The following ZSCAN26 variants were observed in gnomAD, a reference collection of about 807,000 sequenced individuals.
ZSCAN26 encodes zinc finger and SCAN domain-containing protein 26.
ZSCAN26 carries 26 observed loss-of-function variants against 23.0 expected under a neutral mutation model. That is an observed-to-expected ratio of 1.13 (90% CI 0.83 to 1.57). The LOEUF (loss-of-function observed/expected upper bound fraction) is 1.57. ZSCAN26 is among the 40% of genes most tolerant of loss of function. The pLI, the probability that ZSCAN26 is intolerant of heterozygous loss-of-function variation, is 0.00. For missense variants in ZSCAN26, 528 were observed against 568.5 expected (o/e 0.93, Z 0.72); for synonymous variants, 180 against 202.5 (o/e 0.89, Z 0.94).
In ZSCAN26 at chr6:28,277,232, T is replaced by C. The variant is rs188497598; in HGVS notation, c.*136T>C. The C allele has an allele frequency of 7.3e-6, 6 of 823,826 alleles. No individual in the cohort carries two copies. In the Admixed American group the frequency reaches 1.3e-4, roughly 18 times the overall value. 51.0% of individuals were successfully genotyped at this position (823,826 alleles called of 1,614,324 possible). On this transcript the variant is annotated 3_prime_UTR_variant, in exon 4 of 4. Coordinates refer to ENST00000421553, the MANE Select transcript of ZSCAN26 (RefSeq NM_001023560.4). ...AGTTGGAGGCTCCCTGCCTCTATTCTCTCTCCTTTGCTTTCCTTGAAGTCA... is the reference window on the plus strand; with the variant it reads ...AGTTGGAGGCTCCCTGCCTCTATTCCCTCTCCTTTGCTTTCCTTGAAGTCA...
chr6:28,270,674 A>G (rs1761645207), intron 1 of ZSCAN26, among the ~76,000 whole-genome samples: 1 of 152,214 alleles, frequency 6.6e-6, no homozygotes, highest in Non-Finnish European at 1.5e-5. Flanking sequence ...AGCCCTTTCT[A>G]GTTTCTGCCC....
chr6:28,271,877 A>G lies in ZSCAN26; in HGVS notation c.-43A>G, dbSNP rs1561873875. The G allele has an allele frequency of 1.3e-6, 2 of 1,504,618 alleles. No homozygotes were observed. The highest frequency in any genetic ancestry group is 1.8e-6 in the Non-Finnish European group (2 of 1,124,578). 93.2% of individuals were successfully genotyped at this position (1,504,618 alleles called of 1,614,324 possible). A position where few individuals can be genotyped will look rare whatever the true frequency, so the allele number is the denominator to read the frequency against. The stretch of plus-strand genomic sequence containing the variant: ...AGGAGTGTCTCTGAAGATACAGTCC[A>G]AAGAAAGTTCTCCAAAACAAGGAGA... On this transcript the variant is annotated 5_prime_UTR_variant, in exon 2 of 4. Transcript: ENST00000421553.
chr6:28,270,124 T>TATAAA (rs1212305716), intron 1 of ZSCAN26, among the ~76,000 whole-genome samples: 7 of 152,290 alleles, frequency 4.6e-5, no homozygotes, highest in African/African-American at 1.7e-4. Flanking sequence ...TTTGTATTTT[T>TATAAA]AGTAGACACG....
Position 28,272,593 on chromosome 6 carries a change from C to A in ZSCAN26, c.421-77C>A, listed in dbSNP as rs73402536. ...TTCTCTTTCTTCTCTTTTTTAACAC[C>A]TAGGTGTTTTACTGAACAGCAGTTT... On this transcript the variant is annotated intron_variant, in intron 2 of 3. Coordinates refer to ENST00000421553, the MANE Select transcript of ZSCAN26 (RefSeq NM_001023560.4). The A allele has an allele frequency of 3.3e-3, 4,065 of 1,225,310 alleles. 62 individuals carry two copies. In the African/African-American group the frequency reaches 0.038, roughly 11 times the overall value. 75.9% of individuals were successfully genotyped at this position (1,225,310 alleles called of 1,614,324 possible).
intron 1 of ZSCAN26, among the ~76,000 whole-genome samples, chr6:28,268,251 G>T (rs563579326): frequency 6.6e-6 from 1 of 152,068 alleles, no homozygotes; most frequent in Non-Finnish European, 1.5e-5. Context: ...TTATTATGCT[G>T]AGACATGAAG....
intron 1 of ZSCAN26, among the ~76,000 whole-genome samples, chr6:28,269,365 G>T (rs1316093416): frequency 6.6e-6 from 1 of 152,008 alleles, no homozygotes; most frequent in East Asian, 1.9e-4. Context: ...GCCTGTATTT[G>T]TGTCATTATT....
rs896748750 is a variant in ZSCAN26, at chr6:28,272,285, G to A, written c.366G>A (p.Val122=). ...QEHHPESRED[V]VVVLEDLQLD... is the part of the protein sequence containing the mutation. ...ATCACCCAGAGAGCAGGGAGGACGT[G>A]GTTGTTGTTCTGGAGGATTTGCAGC... The change falls in exon 2 of 4, where the codon GTG becomes GTA. Residue 122 remains valine (V), a synonymous_variant. Transcript: ENST00000421553. 2 of 1,594,036 alleles carry A rather than the reference G, an allele frequency of 1.3e-6. No individual in the cohort carries two copies. Among genetic ancestry groups the A allele is most frequent in the Admixed American group, 1.8e-5 (1 of 56,324 alleles).
At position 28,276,483 on chromosome 6, in the gene ZSCAN26, T is replaced by C; in HGVS notation, c.827T>C (p.Val276Ala). Residue 276 changes from valine to alanine, a missense_variant, in exon 4 of 4, where the codon GTC becomes GCC. Transcript: ENST00000421553. ...TCCAGTCTTACAGGACATAAGAAAG[T>C]CCTCTCTAGAGAGAAAGGTCATCAG... ...QSSSLTGHKK[V>A]LSREKGHQCH... The C allele has an allele frequency of 6.2e-7, 1 of 1,613,866 alleles. No homozygotes were observed. Among genetic ancestry groups the C allele is most frequent in the Non-Finnish European group, 8.5e-7 (1 of 1,179,842 alleles).
chr6:28,276,396 T>G lies in ZSCAN26; in HGVS notation c.740T>G (p.Leu247Arg), dbSNP rs1270093146. ...CAGAGATTCATCCAGCACTTGGACCTGATTGAACATGCGAGTACACACACG... is the reference window on the plus strand; with the variant it reads ...CAGAGATTCATCCAGCACTTGGACCGGATTGAACATGCGAGTACACACACG... ...REQRFIQHLD[L>R]IEHASTHTGK... The change falls in exon 4 of 4, where the codon CTG becomes CGG. Residue 247 changes from leucine to arginine, a missense_variant. By Grantham distance (102) the Leu-to-Arg change is moderately radical. Transcript: ENST00000421553. 6.2e-7 allele frequency: 1 copy of G among 1,613,994 alleles called. No homozygotes were observed. The highest frequency in any genetic ancestry group is 8.5e-7 in the Non-Finnish European group (1 of 1,179,882).
chr6:28,276,408 C>G lies in ZSCAN26; in HGVS notation c.752C>G (p.Ala251Gly). The change falls in exon 4 of 4, where the codon GCG becomes GGG. Residue 251 changes from alanine to glycine, a missense_variant. By Grantham distance (60) the Ala-to-Gly change is moderately conservative. Transcript: ENST00000421553. ...FIQHLDLIEH[A>G]STHTGKKLCE... is the part of the protein sequence containing the mutation. ...CAGCACTTGGACCTGATTGAACATG[C>G]GAGTACACACACGGGAAAGAAACTC... 6.2e-7 allele frequency: 1 copy of G among 1,613,954 alleles called. No individual in the cohort carries two copies. Among genetic ancestry groups the G allele is most frequent in the Non-Finnish European group, 8.5e-7 (1 of 1,179,874 alleles).
chr6:28,272,634 A>G (rs2113719386), intron 2 of ZSCAN26, 36 bp from the exon 3 acceptor site: 2 of 1,512,934 alleles, frequency 1.3e-6, no homozygotes, highest in Non-Finnish European at 1.8e-6. Flanking sequence ...ACCCACATAT[A>G]TCTAATTATG....
Position 28,271,967 on chromosome 6 carries a change from GA to G in ZSCAN26, c.50del (p.Lys17ArgfsTer7). ...SAHSLAPLNL[K>X]KEGLRVVRED... ...CCCATTCCCTGGCTCCCCTGAATCT[GA>G]AGAAGGAGGGGCTTCGGGTAGTGAG... On this transcript the variant is annotated frameshift_variant, in exon 2 of 4. Transcript: ENST00000421553. LOFTEE classifies it high-confidence loss of function. 1 of 1,551,696 alleles carries G rather than the reference GA, an allele frequency of 6.4e-7. No individual in the cohort carries two copies. Among genetic ancestry groups the G allele is most frequent in the Non-Finnish European group, 8.7e-7 (1 of 1,146,980 alleles).
At chr6:28,272,393 A>G (rs2113718862) in intron 2 of ZSCAN26, 54 bp downstream of exon 2, 6 of 1,457,362 alleles carry the variant, frequency 4.1e-6, no homozygotes, top group East Asian at 5.0e-5. Flanking sequence ...ATCTCTGGCC[A>G]GACAGGTGGA....
chr6:28,270,135 G>A (rs1277271113), intron 1 of ZSCAN26, among the ~76,000 whole-genome samples: 3 of 152,054 alleles, frequency 2.0e-5, no homozygotes, highest in Non-Finnish European at 4.4e-5. Context: ...AGTAGACACG[G>A]GGTTTCACTG....
chr6:28,269,944 A>G (rs1254412959), intron 1 of ZSCAN26, among the ~76,000 whole-genome samples: 1 of 152,144 alleles, frequency 6.6e-6, no homozygotes, highest in Non-Finnish European at 1.5e-5. Context: ...TTTCTGGCTA[A>G]TAATCATCAC....
rs1464365312 is a variant in ZSCAN26 at position 28,276,283 on chromosome 6, C to T, written c.627C>T (p.Pro209=). 1.2e-6 allele frequency: 2 copies of T among 1,613,924 alleles called. No individual in the cohort carries two copies. Among genetic ancestry groups the T allele is most frequent in the East Asian group, 2.2e-5 (1 of 44,886 alleles). Residue 209 remains proline (P), a synonymous_variant, in exon 4 of 4, where the codon CCC becomes CCT. Coordinates refer to ENST00000421553, the MANE Select transcript of ZSCAN26 (RefSeq NM_001023560.4). ...RVESSGKISE[P]MEAHNEGSNL... is the part of the protein sequence containing the mutation. The stretch of plus-strand genomic sequence containing the variant: ...AGTCATCTGGGAAAATATCTGAACC[C>T]ATGGAGGCTCATAATGAGGGCTCTA...
chr6:28,274,499 G>A (rs1264510717), intron 3 of ZSCAN26, among the ~76,000 whole-genome samples: 1 of 152,214 alleles, frequency 6.6e-6, no homozygotes, highest in East Asian at 1.9e-4. Flanking sequence ...CACTACTTTG[G>A]GAAGCCAGAG....
In ZSCAN26 at chr6:28,273,048, A is replaced by G. The variant is rs371540193; in HGVS notation, c.538+261A>G. On this transcript the variant is annotated intron_variant, in intron 3 of 3. Transcript: ENST00000421553. Reference sequence around the variant, plus strand: ...CTATCACCCCAAATATTTTAGCTGAACAAAATAGCAAGAAAAGGGTACAAA... The same window carrying G: ...CTATCACCCCAAATATTTTAGCTGAGCAAAATAGCAAGAAAAGGGTACAAA... Among the ~76,000 whole-genome samples the G allele has an allele frequency of 1.8e-4, 28 of 152,330 alleles. No individual in the cohort carries two copies. In the South Asian group the frequency reaches 2.3e-3, roughly 12 times the overall value.
chr6:28,268,538 T>C (rs1369874695), intron 1 of ZSCAN26, among the ~76,000 whole-genome samples: 1 of 152,144 alleles, frequency 6.6e-6, no homozygotes, highest in Non-Finnish European at 1.5e-5. Flanking sequence ...GAAAATAGAT[T>C]GGTGTCTCAG....
Sources: allele counts gnomAD v4.1 joint callset (sites outside exome capture counted in the v4.1 genomes callset), GRCh38; gene constraint gnomAD v4.1.1; transcripts MANE v1.5; gene names NCBI Gene and HGNC (gene_info 2026-07-23, HGNC 2026-07-21).